Variants in DOCK3 observed in about 807,000 individuals in gnomAD.
The protein encoded by DOCK3 is dedicator of cytokinesis protein 3.
A neutral mutation model predicts 265.6 loss-of-function variants in DOCK3; 60 were observed. That is an observed-to-expected ratio of 0.23 (90% CI 0.18 to 0.28). The LOEUF (loss-of-function observed/expected upper bound fraction) is 0.28. DOCK3 is among the 10% of genes least tolerant of loss of function. DOCK3 has a pLI of 1.00. For synonymous variants in DOCK3, 881 were observed against 938.0 expected, an observed-to-expected ratio of 0.94 and a Z score of 1.11; for missense variants, 1,981 against 2,594.3, an observed-to-expected ratio of 0.76 and a Z score of 5.14.
At chr3:51,137,961 T>C (rs755830496) in intron 9 of DOCK3, among the ~76,000 whole-genome samples, 1 of 152,240 alleles carries the variant, frequency 6.6e-6, no homozygotes, top group Non-Finnish European at 1.5e-5. Context: ...GTTACACCTT[T>C]GAAGAATACG....
chr3:51,039,132 A>G (rs2080383468), intron 5 of DOCK3, among the ~76,000 whole-genome samples: 1 of 151,868 alleles, frequency 6.6e-6, no homozygotes, highest in South Asian at 2.1e-4. Flanking sequence ...AGTATCTGGG[A>G]CTACAGGCAT....
chr3:50,793,744 CA>C (rs34358188), intron 2 of DOCK3, among the ~76,000 whole-genome samples: 143,496 of 152,204 alleles, frequency 0.94, 68,282 homozygotes, highest in East Asian at 1. Context: ...TCCTTCTGTG[CA>C]ACCTCTGATT....
intron 5 of DOCK3, among the ~76,000 whole-genome samples, chr3:50,977,044 T>C (rs375637028): frequency 7.4e-5 from 11 of 149,646 alleles, no homozygotes; most frequent in Admixed American, 6.7e-5. Flanking sequence ...TGTCTCTGCA[T>C]GTGAGATGGG....
At position 51,348,953 on chromosome 3, in the gene DOCK3, TCC is replaced by T; in HGVS notation, c.4002+20_4002+21del. 1 of 835,200 alleles carries T rather than the reference TCC, an allele frequency of 1.2e-6. No individual in the cohort carries two copies. The highest frequency in any genetic ancestry group is 1.7e-6 in the Non-Finnish European group (1 of 577,726). 51.7% of individuals were successfully genotyped at this position (835,200 alleles called of 1,614,324 possible). A position where few individuals can be genotyped will look rare whatever the true frequency, so the allele number is the denominator to read the frequency against. ...GCTGGATTCGGGTGAGCTGTGCCCC[TCC>T]CCCCACCCCAGCCCTGACTGGCATC... On this transcript the variant is annotated intron_variant, in intron 39 of 52. Coordinates refer to ENST00000266037, the MANE Select transcript of DOCK3 (RefSeq NM_004947.5).
intron 9 of DOCK3, among the ~76,000 whole-genome samples, chr3:51,146,009 G>A (rs1183488818): frequency 4.6e-5 from 7 of 152,230 alleles, no homozygotes; most frequent in Admixed American, 4.6e-4. Flanking sequence ...AGCTCAGGTG[G>A]TAATGCTTGT....
chr3:51,279,488 A>G (rs763443861), intron 26 of DOCK3, among the ~76,000 whole-genome samples: 1 of 152,166 alleles, frequency 6.6e-6, no homozygotes, highest in African/African-American at 2.4e-5. Context: ...ATGTATTCCA[A>G]TTGGAACTTG....
chr3:51,156,793 T>G (rs757247396), intron 10 of DOCK3, among the ~76,000 whole-genome samples: 1 of 152,184 alleles, frequency 6.6e-6, no homozygotes, highest in Non-Finnish European at 1.5e-5. Flanking sequence ...GGGAAACATT[T>G]AGCTTGAATT....
In DOCK3 at chr3:50,681,161, TATC is replaced by T. The variant is rs1469820172; in HGVS notation, c.37+5864_37+5866del. Reference sequence around the variant, plus strand: ...TAGACTTCAGATTTCTAGTTCGTTTTATCATGCAGTATTAGAATATGATTTAGA... The same window carrying T: ...TAGACTTCAGATTTCTAGTTCGTTTTATGCAGTATTAGAATATGATTTAGA... On this transcript the variant is annotated intron_variant, in intron 1 of 52. Coordinates refer to ENST00000266037, the MANE Select transcript of DOCK3 (RefSeq NM_004947.5). 7.2e-5 allele frequency among the ~76,000 whole-genome samples: 11 copies of T among 152,302 alleles called. No homozygotes were observed. In the South Asian group the frequency reaches 2.3e-3, roughly 32 times the overall value.
At chr3:50,818,398 C>T (rs2044213528) in intron 2 of DOCK3, among the ~76,000 whole-genome samples, 1 of 152,242 alleles carries the variant, frequency 6.6e-6, no homozygotes, top group Non-Finnish European at 1.5e-5. Context: ...GGGTCTTACA[C>T]TTCCAAATGT....
intron 2 of DOCK3, among the ~76,000 whole-genome samples, chr3:50,831,426 T>C (rs913844277): frequency 4.6e-5 from 7 of 152,032 alleles, no homozygotes; most frequent in Admixed American, 3.3e-4. Flanking sequence ...CCCCTCCCTA[T>C]GTCCATGTGT....
intron 5 of DOCK3, among the ~76,000 whole-genome samples, chr3:51,042,362 G>A (rs2080567722): frequency 6.6e-6 from 1 of 152,002 alleles, no homozygotes; most frequent in Non-Finnish European, 1.5e-5. Context: ...ATGCAGAAAG[G>A]GCCTTTGATA....
At chr3:51,053,055 T>C (rs2109133607) in intron 5 of DOCK3, among the ~76,000 whole-genome samples, 1 of 118,244 alleles carries the variant, frequency 8.5e-6, no homozygotes, top group African/African-American at 3.1e-5. Flanking sequence ...GATTATTCAG[T>C]TTCATCTTTT....
intron 5 of DOCK3, among the ~76,000 whole-genome samples, chr3:50,954,818 T>G (rs1220268961): frequency 6.6e-6 from 1 of 152,216 alleles, no homozygotes; most frequent in African/African-American, 2.4e-5. Context: ...GCAGAAGCTG[T>G]TAAGTTTAAT....
intron 2 of DOCK3, chr3:50,786,601 A>G (rs2042195802): frequency 1.8e-6 from 1 of 560,482 alleles, no homozygotes; most frequent in Non-Finnish European, 3.4e-6. Flanking sequence ...GCCAACTGCC[A>G]CAGAAAGTTG....
At chr3:51,059,427 A>G (rs1368902534) in intron 5 of DOCK3, among the ~76,000 whole-genome samples, 1 of 150,226 alleles carries the variant, frequency 6.7e-6, no homozygotes, top group East Asian at 2.0e-4. Context: ...GTATCAGTAT[A>G]CTTCATTAGA....
chr3:50,949,502 T>A (rs1341995750), intron 5 of DOCK3, among the ~76,000 whole-genome samples: 1 of 152,220 alleles, frequency 6.6e-6, no homozygotes, highest in African/African-American at 2.4e-5. Flanking sequence ...GAGATTGGGC[T>A]GTGATTTCCC....
At chr3:50,914,091 T>A (rs917669628) in intron 4 of DOCK3, among the ~76,000 whole-genome samples, 1 of 152,038 alleles carries the variant, frequency 6.6e-6, no homozygotes, top group Admixed American at 6.5e-5. Context: ...GGGTCTTTTT[T>A]TTCATGGTTA....
At chr3:50,784,024 C>A (rs368748823) in intron 2 of DOCK3, among the ~76,000 whole-genome samples, 17 of 152,078 alleles carry the variant, frequency 1.1e-4, no homozygotes, top group Non-Finnish European at 2.5e-4. Context: ...CCTGCCACCA[C>A]GCCTGGCTAA....
chr3:50,985,171 C>T (rs2077853094), intron 5 of DOCK3, among the ~76,000 whole-genome samples: 1 of 152,172 alleles, frequency 6.6e-6, no homozygotes. Flanking sequence ...TTTTTACAAG[C>T]AATCACCAAA....
Sources: gnomAD v4.1 joint callset for allele counts (sites outside exome capture counted in the v4.1 genomes callset) on GRCh38, gnomAD v4.1.1 for gene constraint, MANE v1.5 for transcripts, NCBI Gene and HGNC (gene_info 2026-07-23, HGNC 2026-07-21) for gene names.